PARVA: variants seen among roughly 807,000 people sequenced by gnomAD.
PARVA encodes alpha-parvin.
A neutral mutation model predicts 52.6 loss-of-function variants in PARVA; 25 were observed. The ratio of observed to expected loss-of-function variants is 0.48; its 90% CI spans 0.35 to 0.66. The LOEUF is 0.66. PARVA is among the 30% of genes least tolerant of loss of function. The pLI is 0.01. For synonymous variants in PARVA, 185 were observed against 179.1 expected (o/e 1.03, Z -0.26); for missense variants, 373 against 450.9 (o/e 0.83, Z 1.56).
intron 1 of PARVA, among the ~76,000 whole-genome samples, chr11:12,384,422 C>A (rs1244600133): frequency 1.3e-5 from 2 of 152,208 alleles, no homozygotes; most frequent in Non-Finnish European, 2.9e-5. Flanking sequence ...AACAAAAACT[C>A]TTGCCTTCCT....
chr11:12,442,827 A>G lies in PARVA; in HGVS notation c.137-30918A>G, dbSNP rs191613223. ...AAGCCATGGGACAACGTGGGATGCT[A>G]TATATCAAGGTGTTTTGTAATGTTT... On this transcript the variant is annotated intron_variant, in intron 1 of 12. Transcript: ENST00000334956. Among the ~76,000 whole-genome samples the G allele has an allele frequency of 7.7e-4, 117 of 151,814 alleles. 1 individual carries two copies. The highest frequency in any genetic ancestry group is 7.4e-3 in the Admixed American group (113 of 15,240).
intron 1 of PARVA, among the ~76,000 whole-genome samples, chr11:12,422,300 G>C (rs1940161184): frequency 6.6e-6 from 1 of 152,018 alleles, no homozygotes; most frequent in African/African-American, 2.4e-5. Context: ...TGCTTACATT[G>C]GTTACATTTC....
chr11:12,379,994 C>T (rs537825430), intron 1 of PARVA, among the ~76,000 whole-genome samples: 4 of 152,332 alleles, frequency 2.6e-5, no homozygotes, highest in Non-Finnish European at 5.9e-5. Context: ...ATTTATCTCT[C>T]TGTACCTATC....
chr11:12,506,732 A>G (rs539282626), intron 6 of PARVA, among the ~76,000 whole-genome samples: 2 of 152,342 alleles, frequency 1.3e-5, no homozygotes, highest in Admixed American at 1.3e-4. Flanking sequence ...TTTTTGCTTT[A>G]TCAAGTTGAA....
chr11:12,471,580 T>C (rs1300343049), intron 1 of PARVA, among the ~76,000 whole-genome samples: 1 of 86,098 alleles, frequency 1.2e-5, no homozygotes, highest in Non-Finnish European at 2.4e-5. Context: ...CTGGAGGCCA[T>C]TATCCTTAGC....
At chr11:12,422,962 C>G (rs1455615589) in intron 1 of PARVA, among the ~76,000 whole-genome samples, 2 of 152,116 alleles carry the variant, frequency 1.3e-5, no homozygotes, top group Admixed American at 6.6e-5. Context: ...TCAAGCAATT[C>G]TCGCGCCTCA....
chr11:12,499,489 A>T (rs1941340159), intron 5 of PARVA, among the ~76,000 whole-genome samples: 1 of 152,048 alleles, frequency 6.6e-6, no homozygotes, highest in Admixed American at 6.5e-5. Context: ...GAAAATTTAC[A>T]AAGTGCAGAT....
At chr11:12,522,170 G>T (rs879545380) in intron 12 of PARVA, among the ~76,000 whole-genome samples, 2 of 152,158 alleles carry the variant, frequency 1.3e-5, no homozygotes, top group Non-Finnish European at 2.9e-5. Flanking sequence ...AGCATAGGCT[G>T]GAGTGTACAT....
chr11:12,510,136 A>G (rs185567205), intron 7 of PARVA, among the ~76,000 whole-genome samples: 1 of 152,340 alleles, frequency 6.6e-6, no homozygotes, highest in Admixed American at 6.5e-5. Flanking sequence ...TGATATTGAT[A>G]GTAAACACAT....
chr11:12,458,213 T>C (rs1016900489), intron 1 of PARVA, among the ~76,000 whole-genome samples: 1 of 152,230 alleles, frequency 6.6e-6, no homozygotes, highest in Non-Finnish European at 1.5e-5. Flanking sequence ...CCCAGGAAGG[T>C]GTCTCTTCCC....
chr11:12,453,342 T>C (rs1233482271), intron 1 of PARVA, among the ~76,000 whole-genome samples: 1 of 152,164 alleles, frequency 6.6e-6, no homozygotes, highest in African/African-American at 2.4e-5. Context: ...TACTGCTTGC[T>C]GTTCTGTGCT....
rs141047470 is a variant in PARVA, at chr11:12,437,326, A to T, written c.137-36419A>T. Among the ~76,000 whole-genome samples, 259 of 152,266 alleles carry T rather than the reference A, an allele frequency of 1.7e-3. 2 individuals are homozygous for T. Among genetic ancestry groups the T allele is most frequent in the African/African-American group, 5.8e-3 (241 of 41,558 alleles). ...TGTGCCTATTCATTCTGTGAAGCCCAACTCCTGGGTCCCTCCTTCCAGGAA... is the reference window on the plus strand; with the variant it reads ...TGTGCCTATTCATTCTGTGAAGCCCTACTCCTGGGTCCCTCCTTCCAGGAA... On this transcript the variant is annotated intron_variant, in intron 1 of 12. Coordinates refer to ENST00000334956, the MANE Select transcript of PARVA (RefSeq NM_018222.5).
intron 10 of PARVA, among the ~76,000 whole-genome samples, chr11:12,515,973 A>C (rs1361240841): frequency 1.3e-5 from 2 of 152,150 alleles, no homozygotes; most frequent in Non-Finnish European, 2.9e-5. Context: ...AGCAGCTGGG[A>C]CTACAGGCAT....
chr11:12,516,952 T>C (rs1449520088), intron 10 of PARVA, among the ~76,000 whole-genome samples: 1 of 152,164 alleles, frequency 6.6e-6, no homozygotes. Flanking sequence ...AGCTGCACTC[T>C]GCTGCTGTAA....
At chr11:12,456,291 T>C (rs969450021) in intron 1 of PARVA, among the ~76,000 whole-genome samples, 1 of 152,222 alleles carries the variant, frequency 6.6e-6, no homozygotes, top group African/African-American at 2.4e-5. Flanking sequence ...CTACGCTTCA[T>C]TATAAACCTG....
chr11:12,429,484 A>G (rs1940284826), intron 1 of PARVA, among the ~76,000 whole-genome samples: 1 of 152,252 alleles, frequency 6.6e-6, no homozygotes, highest in Admixed American at 6.5e-5. Context: ...TATAGCACAC[A>G]GTTTACAAAT....
chr11:12,476,922 A>G (rs1941021644), intron 3 of PARVA, among the ~76,000 whole-genome samples: 1 of 152,170 alleles, frequency 6.6e-6, no homozygotes, highest in African/African-American at 2.4e-5. Context: ...CACTTATAAG[A>G]AATTGGAGAA....
chr11:12,444,712 T>C (rs922677802), intron 1 of PARVA, among the ~76,000 whole-genome samples: 2 of 152,172 alleles, frequency 1.3e-5, no homozygotes, highest in Non-Finnish European at 2.9e-5. Context: ...AAATGCATTA[T>C]ATAATCTCTG....
At chr11:12,424,242 G>A (rs1231952887) in intron 1 of PARVA, among the ~76,000 whole-genome samples, 1 of 151,970 alleles carries the variant, frequency 6.6e-6, no homozygotes, top group Non-Finnish European at 1.5e-5. Context: ...CATAGCAGTG[G>A]TATGCATTTG....
Sources: gnomAD v4.1 joint callset for allele counts (sites outside exome capture counted in the v4.1 genomes callset) on GRCh38, gnomAD v4.1.1 for gene constraint, MANE v1.5 for transcripts, NCBI Gene and HGNC (gene_info 2026-07-23, HGNC 2026-07-21) for gene names.